DYNC2I1: variants seen among roughly 807,000 people sequenced by gnomAD.
DYNC2I1 encodes dynein 2 intermediate chain 1, also known as cytoplasmic dynein 2 intermediate chain 1.
In DYNC2I1, 89 loss-of-function variants were observed where a neutral mutation model predicts 133.4. That is an observed-to-expected ratio of 0.67 (90% CI 0.56 to 0.80). The LOEUF (loss-of-function observed/expected upper bound fraction) is 0.80, where lower values mean the gene tolerates loss of function less well. Among genes scored for constraint, DYNC2I1 ranks in the 30% least tolerant of loss-of-function variants. DYNC2I1 has a pLI of 0.00. For missense variants in DYNC2I1, 1,291 were observed against 1,314.5 expected (o/e 0.98, Z 0.28); for synonymous variants, 504 against 484.3 (o/e 1.04, Z -0.54).
At chr7:158,936,552 G>A (rs1850775735) in intron 23 of DYNC2I1, among the ~76,000 whole-genome samples, 1 of 152,236 alleles carries the variant, frequency 6.6e-6, no homozygotes, top group Non-Finnish European at 1.5e-5. Context: ...CCCTGTCCCT[G>A]CCTCAGCCCA....
chr7:158,926,448 G>T lies in DYNC2I1; in HGVS notation c.2418G>T (p.Gly806=), dbSNP rs11505215. 2,513 of 1,613,322 alleles carry T rather than the reference G, an allele frequency of 1.6e-3. 24 individuals carry two copies. In the African/African-American group the frequency reaches 0.023, roughly 15 times the overall value. Residue 806 remains glycine, a synonymous_variant, in exon 19 of 25, where the codon GGG becomes GGT. Coordinates refer to ENST00000407559, the MANE Select transcript of DYNC2I1 (RefSeq NM_018051.5). The part of the protein sequence containing the change: ...SFHIASLDES[G]VLNVWVVVEL... Reference sequence around the variant, plus strand: ...ACATCGCTTCCTTGGATGAGAGTGGGGTTCTCAATGTATGGGTGAGTAGTG... The same window carrying T: ...ACATCGCTTCCTTGGATGAGAGTGGTGTTCTCAATGTATGGGTGAGTAGTG...
chr7:158,839,456 C>T, the DYNC2I1 span, among the ~76,000 whole-genome samples: 18 of 151,854 alleles, frequency 1.2e-4, no homozygotes, highest in Non-Finnish European at 2.4e-4. Flanking sequence ...AATGTGACTC[C>T]GTAACACCTG....
chr7:158,893,575 T>C (rs2129482641), intron 8 of DYNC2I1, among the ~76,000 whole-genome samples: 1 of 152,308 alleles, frequency 6.6e-6, no homozygotes, highest in South Asian at 2.1e-4. Flanking sequence ...GTTCAGCCTC[T>C]TGGTCACGTG....
chr7:158,906,197 T>C, intron 11 of DYNC2I1, 106 bp downstream of exon 11: 1 of 969,518 alleles, frequency 1.0e-6, no homozygotes, highest in Non-Finnish European at 1.6e-6. Flanking sequence ...TACTACTGTT[T>C]TTTGGGGTGT....
chr7:158,949,786 T>C (rs74908096), downstream of DYNC2I1, among the ~76,000 whole-genome samples: 4,043 of 151,924 alleles, frequency 0.027, 68 homozygotes, highest in Admixed American at 0.054. Context: ...TTTTTTTTTT[T>C]TTCAGACGGA....
rs759853923 is a variant in DYNC2I1 at position 158,945,730 on chromosome 7, G to C, written c.3152G>C (p.Arg1051Pro). Residue 1051 changes from arginine (R) to proline (P), a missense_variant, in exon 25 of 25, where the codon CGT (arginine) becomes CCT (proline). Transcript: ENST00000407559. The surrounding 1 kb of genome is among the most constrained non-coding windows in gnomAD (Gnocchi z 4.1). The part of the protein sequence containing the change: ...APEVDECNRL[R>P]LLLQEALWPE... ...GAGGTGGACGAGTGCAACAGGCTGC[G>C]TCTGCTTTTGCAGGAAGCCCTGTGG... 2 of 1,602,314 alleles carry C rather than the reference G, an allele frequency of 1.2e-6. No individual in the cohort carries two copies. Among genetic ancestry groups the C allele is most frequent in the Admixed American group, 3.4e-5 (2 of 58,404 alleles).
At chr7:158,902,639 T>A (rs1329964611) in intron 10 of DYNC2I1, 44 bp downstream of exon 10, 5 of 1,570,440 alleles carry the variant, frequency 3.2e-6, no homozygotes, top group Non-Finnish European at 1.7e-6. Context: ...CTCTTAGGGC[T>A]CTGTGTACTG....
the DYNC2I1 span, among the ~76,000 whole-genome samples, chr7:158,843,261 GT>G: frequency 4.6e-3 from 692 of 150,620 alleles, 44 homozygotes; most frequent in East Asian, 0.12. Flanking sequence ...TGCCCGGCCA[GT>G]TTTTTTTTGT....
chr7:158,921,428 G>A (rs3763419), intron 15 of DYNC2I1, among the ~76,000 whole-genome samples: 25,814 of 152,038 alleles, frequency 0.17, 2,406 homozygotes, highest in African/African-American at 0.22. Flanking sequence ...TCGCTACACC[G>A]TGGAAGACTG....
chr7:158,869,241 C>G (rs1842670931), intron 1 of DYNC2I1, among the ~76,000 whole-genome samples: 1 of 144,696 alleles, frequency 6.9e-6, no homozygotes, highest in Non-Finnish European at 1.6e-5. Context: ...GCTGTGGCAT[C>G]TGCTGTGAGG....
At chr7:158,852,939 C>T (rs116285782), upstream of DYNC2I1, among the ~76,000 whole-genome samples, 1,755 of 152,274 alleles carry the variant, frequency 0.012, 32 homozygotes, top group African/African-American at 0.04. Context: ...TTTGTAACCT[C>T]GCCCTTGGCT....
chr7:158,929,433 G>A (rs1849970735), intron 20 of DYNC2I1, among the ~76,000 whole-genome samples: 1 of 149,252 alleles, frequency 6.7e-6, no homozygotes, highest in Non-Finnish European at 1.5e-5. Flanking sequence ...TAGGGGCCCA[G>A]TCGGAAAGGG....
chr7:158,844,659 G>C, the DYNC2I1 span, among the ~76,000 whole-genome samples: 2 of 151,824 alleles, frequency 1.3e-5, no homozygotes, highest in African/African-American at 4.8e-5. Context: ...TTTCGCTCTT[G>C]TTGCCCAGGC....
upstream of DYNC2I1, among the ~76,000 whole-genome samples, chr7:158,853,249 G>C (rs1042465012): frequency 6.6e-6 from 1 of 152,178 alleles, no homozygotes; most frequent in Admixed American, 6.5e-5. Flanking sequence ...CATCTGAATG[G>C]ACCACTCCTC....
chr7:158,943,141 T>G (rs569532139), intron 24 of DYNC2I1, among the ~76,000 whole-genome samples: 1 of 152,342 alleles, frequency 6.6e-6, no homozygotes, highest in South Asian at 2.1e-4. Flanking sequence ...CAGTGAGATC[T>G]GAATGAAATT....
intron 10 of DYNC2I1, chr7:158,904,292 C>G: frequency 6.6e-6 from 1 of 152,302 alleles, no homozygotes; most frequent in African/African-American, 2.4e-5. Flanking sequence ...CAGGCACGTT[C>G]TGAGTGCTAA....
At chr7:158,908,961 A>G (rs1387185975) in intron 11 of DYNC2I1, among the ~76,000 whole-genome samples, 1 of 152,232 alleles carries the variant, frequency 6.6e-6, no homozygotes, top group East Asian at 1.9e-4. Context: ...GTATGAAAAT[A>G]TGTCCTGTCA....
intron 1 of DYNC2I1, among the ~76,000 whole-genome samples, chr7:158,868,218 GTTATT>G (rs1014089804): frequency 1.3e-5 from 2 of 152,212 alleles, no homozygotes; most frequent in African/African-American, 4.8e-5. Context: ...ACGGCACCTT[GTTATT>G]TTAATAGTCC....
chr7:158,840,531 C>T, the DYNC2I1 span, among the ~76,000 whole-genome samples: 2 of 152,334 alleles, frequency 1.3e-5, no homozygotes, highest in South Asian at 2.1e-4. Context: ...CATGCCACTG[C>T]ACTTCACCCT....
Sources: gnomAD v4.1 joint callset for allele counts (sites outside exome capture counted in the v4.1 genomes callset) on GRCh38, gnomAD v4.1.1 for gene constraint, Gnocchi (gnomAD v3.1) non-coding constraint, MANE v1.5 for transcripts, NCBI Gene and HGNC (gene_info 2026-07-23, HGNC 2026-07-21) for gene names.